The following PTPRB variants were observed in gnomAD, a reference collection of about 807,000 sequenced individuals.
PTPRB encodes the protein protein tyrosine phosphatase receptor type B.
Under a neutral mutation model 238.1 loss-of-function variants are expected in PTPRB, and 97 were observed. The ratio of observed to expected loss-of-function variants is 0.41; its 90% CI spans 0.35 to 0.48. The LOEUF (loss-of-function observed/expected upper bound fraction) is 0.48, where lower values mean the gene tolerates loss of function less well. Ranked by LOEUF, PTPRB falls within the 20% of genes least tolerant of loss-of-function variation. The probability of loss-of-function intolerance (pLI) is 0.30; values close to 1 mark genes in which losing one functional copy is unlikely to be tolerated. For synonymous variants in PTPRB, 970 were observed against 995.4 expected, an observed-to-expected ratio of 0.97 and a Z score of 0.48; for missense variants, 2,292 against 2,681.9, an observed-to-expected ratio of 0.85 and a Z score of 3.21.
chr12:70,540,696 A>G, intron 23 of PTPRB, 162 bp downstream of exon 23: 1 of 610,624 alleles, frequency 1.6e-6, no homozygotes, highest in South Asian at 2.1e-5. Flanking sequence ...GAGAAAAGTG[A>G]GTCATGGCTT....
At chr12:70,543,576 A>G (rs938978820) in intron 22 of PTPRB, among the ~76,000 whole-genome samples, 1 of 152,170 alleles carries the variant, frequency 6.6e-6, no homozygotes, top group Non-Finnish European at 1.5e-5. Context: ...ATAGATTGGA[A>G]TGTTTGTGAG....
intron 4 of PTPRB, among the ~76,000 whole-genome samples, chr12:70,605,413 C>T (rs1883864701): frequency 1.3e-5 from 2 of 152,218 alleles, no homozygotes; most frequent in Non-Finnish European, 2.9e-5. Context: ...TCTTTCCATT[C>T]ATCCATCTAT....
Position 70,553,024 on chromosome 12 carries a change from G to C in PTPRB, c.5144-4C>G, listed in dbSNP as rs1877131573. ...TCTGGCTTCAGCTCATCACTGCCTG[G>C]AGGAGAAAACCCACAGTTAAGGACT... On this transcript the variant is annotated splice_region_variant and splice_polypyrimidine_tract_variant and intron_variant, in intron 20 of 33. Transcript: ENST00000334414. 1 of 1,612,622 alleles carries C rather than the reference G, an allele frequency of 6.2e-7. No individual in the cohort carries two copies. The highest frequency in any genetic ancestry group is 2.2e-5 in the East Asian group (1 of 44,856).
Position 70,635,904 on chromosome 12 carries a change from T to C in PTPRB, c.218A>G (p.Asn73Ser), listed in dbSNP as rs1885664601. 6.2e-7 allele frequency: 1 copy of C among 1,613,258 alleles called. No homozygotes were observed. The highest frequency in any genetic ancestry group is 8.5e-7 in the Non-Finnish European group (1 of 1,179,738). Residue 73 changes from asparagine to serine, a missense_variant, in exon 2 of 34, where the codon AAC becomes AGC. This residue lies in a region of PTPRB where 1,205 missense variants were observed against 1,287.8 expected (regional missense o/e 0.94). Transcript: ENST00000334414. ...TGAGCGGGAGGGGCCGCGGGAAGAG[T>C]TGGAGATGGCCAAGCACAGTGCAGA... ...VKSALCLAISNSSRGPSRSAI... is the reference protein window; with the variant it reads ...VKSALCLAISSSSRGPSRSAI...
rs74101700 is a variant in PTPRB, at chr12:70,587,343, T to C, written c.2051-76A>G. 1,834 of 1,468,550 alleles carry C rather than the reference T, an allele frequency of 1.2e-3. 24 individuals are homozygous for C. In the African/African-American group the frequency reaches 0.022, roughly 18 times the overall value. The allele number at this position is 1,468,550 out of a possible 1,614,324, so 91.0% of individuals were successfully genotyped here. Reference sequence around the variant, plus strand: ...TAGGGTATACTTTTGATAGTTCTCCTCTTCCATCCTTAAGCGTGTTTCAGT... The same window carrying C: ...TAGGGTATACTTTTGATAGTTCTCCCCTTCCATCCTTAAGCGTGTTTCAGT... On this transcript the variant is annotated intron_variant, in intron 8 of 33. Coordinates refer to ENST00000334414, the MANE Select transcript of PTPRB (RefSeq NM_001109754.4).
intron 4 of PTPRB, 76 bp downstream of exon 4, chr12:70,608,993 A>G: frequency 6.6e-7 from 1 of 1,512,054 alleles, no homozygotes; most frequent in Non-Finnish European, 9.0e-7. Flanking sequence ...CTGGAACTCA[A>G]ATGAAACACC....
intron 32 of PTPRB, among the ~76,000 whole-genome samples, chr12:70,529,345 A>G (rs114438002): frequency 0.014 from 2,082 of 152,300 alleles, 45 homozygotes; most frequent in African/African-American, 0.048. Flanking sequence ...GAGGTGATAC[A>G]TGGCCCAAGA....
Position 70,590,202 on chromosome 12 carries a change from G to A in PTPRB, c.1812C>T (p.Asn604=). 6.3e-7 allele frequency: 1 copy of A among 1,582,026 alleles called. No homozygotes were observed. The highest frequency in any genetic ancestry group is 8.6e-7 in the Non-Finnish European group (1 of 1,162,434). Reference sequence around the variant, plus strand: ...CAAGAGACCTCATCCTGCCATTATTGTTTGCCTCCAGGTTTGCAACTTTGT... The same window carrying A: ...CAAGAGACCTCATCCTGCCATTATTATTTGCCTCCAGGTTTGCAACTTTGT... ...FPDKVANLEA[N]NNGRMRSLVV... is the part of the protein sequence containing the mutation. The change falls in exon 8 of 34, where the codon AAC becomes AAT. Residue 604 remains asparagine, a synonymous_variant. Transcript: ENST00000334414.
Position 70,552,853 on chromosome 12 carries a change from C to T in PTPRB, c.5311G>A (p.Glu1771Lys). The change falls in exon 21 of 34, where the codon GAG (glutamate) becomes AAG (lysine). Residue 1771 changes from glutamate (E) to lysine (K), a missense_variant. By Grantham distance (56) the Glu-to-Lys change is moderately conservative (BLOSUM62 1). Around this residue, in one of 4 missense-constraint regions of PTPRB, gnomAD observed 683 missense variants for 862.0 expected, o/e 0.79. Transcript: ENST00000334414. ...SFNIKLGAEMESLGGKCDPTQ... is the reference protein window; with the variant it reads ...SFNIKLGAEMKSLGGKCDPTQ... ...GGATCGCATTTTCCACCTAGGCTCT[C>T]CATCTCTGCTCCAAGCTTAATGTTA... 6.2e-7 allele frequency: 1 copy of T among 1,613,960 alleles called. No individual in the cohort carries two copies. Among genetic ancestry groups the T allele is most frequent in the Admixed American group, 1.7e-5 (1 of 60,008 alleles).
intron 14 of PTPRB, among the ~76,000 whole-genome samples, chr12:70,568,446 T>C (rs1343134883): frequency 7.7e-6 from 1 of 129,604 alleles, no homozygotes; most frequent in Non-Finnish European, 1.8e-5. Context: ...TACAGGCGTC[T>C]GCCATCACAC....
chr12:70,550,163 C>A (rs1349279789), intron 21 of PTPRB, among the ~76,000 whole-genome samples: 5 of 152,178 alleles, frequency 3.3e-5, no homozygotes, highest in Admixed American at 2.0e-4. Flanking sequence ...AACTGCCCAG[C>A]TGTGGGCTGA....
chr12:70,622,422 T>A lies in PTPRB; in HGVS notation c.676A>T (p.Thr226Ser). The change falls in exon 3 of 34, where the codon ACT becomes TCT. Residue 226 changes from threonine to serine, a missense_variant. Thr to Ser is a moderately conservative substitution (Grantham distance 58, BLOSUM62 1). Around this residue, in one of 4 missense-constraint regions of PTPRB, gnomAD observed 1,205 missense variants for 1,287.8 expected, o/e 0.94. Coordinates refer to ENST00000334414, the MANE Select transcript of PTPRB (RefSeq NM_001109754.4). The part of the protein sequence containing the change: ...GITDTSWVLS[T>S]TQPFSSTTEE... Reference sequence around the variant, plus strand: ...GTGGTGCTGGAGAAGGGCTGAGTAGTCGACAAAACCCATGATGTGTCTGTA... The same window carrying A: ...GTGGTGCTGGAGAAGGGCTGAGTAGACGACAAAACCCATGATGTGTCTGTA... 1 of 1,612,384 alleles carries A rather than the reference T, an allele frequency of 6.2e-7. No homozygotes were observed. Among genetic ancestry groups the A allele is most frequent in the South Asian group, 1.1e-5 (1 of 90,984 alleles).
In PTPRB at chr12:70,635,757, T is replaced by G. The variant is rs1396417465; in HGVS notation, c.365A>C (p.Lys122Thr). 6.2e-7 allele frequency: 1 copy of G among 1,613,972 alleles called. No individual in the cohort carries two copies. Among genetic ancestry groups the G allele is most frequent in the African/African-American group, 1.3e-5 (1 of 75,056 alleles). Reference protein sequence around the residue: ...QKQGSRVVVKKARKYLHSWMK... With the variant: ...QKQGSRVVVKTARKYLHSWMK... Reference sequence around the variant, plus strand: ...CCAGCTATGGAGGTATTTCCTGGCCTTCTTGACCACTACTCTGGAGCCTTG... The same window carrying G: ...CCAGCTATGGAGGTATTTCCTGGCCGTCTTGACCACTACTCTGGAGCCTTG... The change falls in exon 2 of 34, where the codon AAG becomes ACG. Residue 122 changes from lysine (K) to threonine (T), a missense_variant. Lys to Thr is a moderately conservative substitution (Grantham distance 78). Around this residue, in one of 4 missense-constraint regions of PTPRB, gnomAD observed 1,205 missense variants for 1,287.8 expected, o/e 0.94. Transcript: ENST00000334414.
intron 3 of PTPRB, among the ~76,000 whole-genome samples, chr12:70,617,042 A>T (rs1884710687): frequency 6.6e-6 from 1 of 152,264 alleles, no homozygotes; most frequent in African/African-American, 2.4e-5. Flanking sequence ...GTTGAAAGAA[A>T]GTCCCGTATA....
chr12:70,609,473 C>G (rs1443028477), intron 3 of PTPRB, 134 bp from the exon 4 acceptor site: 2 of 1,221,872 alleles, frequency 1.6e-6, no homozygotes, highest in East Asian at 2.4e-5. Context: ...TCCTTTTGCC[C>G]TCTGGCCAGA....
At chr12:70,591,278 TTA>T (rs2136461501) in intron 7 of PTPRB, among the ~76,000 whole-genome samples, 1 of 152,170 alleles carries the variant, frequency 6.6e-6, no homozygotes, top group African/African-American at 2.4e-5. Context: ...AAAGAAAATT[TTA>T]TCTTTCCTTT....
chr12:70,532,281 G>GAT, intron 31 of PTPRB, 111 bp from the exon 32 acceptor site: 1 of 1,302,324 alleles, frequency 7.7e-7, no homozygotes. Context: ...TATGGGAGAA[G>GAT]ATAGGAATAT....
rs1878361195 is a variant in PTPRB at position 70,560,563 on chromosome 12, G to C, written c.4432+108C>G. ...CTTCCCAAATTCAGGGGCTAGCTCA[G>C]GGTATATCATTATTGGCTTTATCTC... is the stretch of plus-strand genomic sequence containing the variant. On this transcript the variant is annotated intron_variant, in intron 17 of 33. Coordinates refer to ENST00000334414, the MANE Select transcript of PTPRB (RefSeq NM_001109754.4). The surrounding 1 kb of genome is among the most constrained non-coding windows in gnomAD (Gnocchi z 4.2). 2.8e-6 allele frequency: 4 copies of C among 1,426,634 alleles called. No homozygotes were observed. The highest frequency in any genetic ancestry group is 3.8e-6 in the Non-Finnish European group (4 of 1,048,488). The allele number at this position is 1,426,634 out of a possible 1,614,324, so 88.4% of individuals were successfully genotyped here. A position where few individuals can be genotyped will look rare whatever the true frequency, so the allele number is the denominator to read the frequency against.
chr12:70,607,846 C>T (rs1884090073), intron 4 of PTPRB, among the ~76,000 whole-genome samples: 1 of 142,678 alleles, frequency 7.0e-6, no homozygotes, highest in African/African-American at 2.4e-5. Flanking sequence ...CCACTGCGCC[C>T]AGTCAGAGAA....
Sources: gnomAD v4.1 joint callset for allele counts (sites outside exome capture counted in the v4.1 genomes callset) on GRCh38, gnomAD v4.1.1 for gene constraint, gnomAD v4.1.1 regional missense constraint, Gnocchi (gnomAD v3.1) non-coding constraint, MANE v1.5 for transcripts, NCBI Gene and HGNC (gene_info 2026-07-23, HGNC 2026-07-21) for gene names.